The following ACAD10 variants were observed in gnomAD, a reference collection of about 807,000 sequenced individuals.
ACAD10 encodes the protein acyl-CoA dehydrogenase family member 10.
In ACAD10, 112 loss-of-function variants were observed where a neutral mutation model predicts 116.8. That is an observed-to-expected ratio of 0.96 (90% CI 0.82 to 1.12). The LOEUF is 1.12. ACAD10 is among the 50% of genes most tolerant of loss of function. The pLI is 0.00. For synonymous variants in ACAD10, 486 were observed against 510.6 expected, an observed-to-expected ratio of 0.95 and a Z score of 0.65; for missense variants, 1,259 against 1,350.2, an observed-to-expected ratio of 0.93 and a Z score of 1.06.
chr12:111,699,339 A>G (rs1888283022), intron 2 of ACAD10, among the ~76,000 whole-genome samples: 1 of 152,186 alleles, frequency 6.6e-6, no homozygotes, highest in African/African-American at 2.4e-5. Flanking sequence ...TTGAATAGTC[A>G]CTGCTAAAAG....
intron 5 of ACAD10, among the ~76,000 whole-genome samples, chr12:111,711,693 T>C (rs540998797): frequency 1.3e-5 from 2 of 151,626 alleles, no homozygotes; most frequent in South Asian, 2.1e-4. Flanking sequence ...TTTGTATTTT[T>C]AGTAGAGACG....
chr12:111,700,457 T>C (rs765131710), intron 2 of ACAD10, among the ~76,000 whole-genome samples: 1 of 152,182 alleles, frequency 6.6e-6, no homozygotes, highest in East Asian at 1.9e-4. Context: ...GTCAAATGTA[T>C]GTGCATTTCA....
chr12:111,746,838 A>G (rs1889915627), intron 14 of ACAD10, among the ~76,000 whole-genome samples: 1 of 152,214 alleles, frequency 6.6e-6, no homozygotes, highest in African/African-American at 2.4e-5. Flanking sequence ...TATGTACAAA[A>G]AAATAAAAAA....
At chr12:111,746,419 G>C in intron 14 of ACAD10, 135 bp downstream of exon 14, 1 of 1,000,108 alleles carries the variant, frequency 1.0e-6, no homozygotes, top group Non-Finnish European at 1.4e-6. Context: ...ATGGAGTCTC[G>C]CTCTGTCACC....
intron 8 of ACAD10, among the ~76,000 whole-genome samples, chr12:111,723,148 C>T (rs1409801390): frequency 1.4e-5 from 2 of 141,974 alleles, no homozygotes; most frequent in Non-Finnish European, 3.1e-5. Flanking sequence ...GGGGGGCTGA[C>T]CCCCCCACCT....
chr12:111,704,218 T>G (rs1888431800), intron 3 of ACAD10, among the ~76,000 whole-genome samples: 1 of 151,834 alleles, frequency 6.6e-6, no homozygotes, highest in South Asian at 2.1e-4. Flanking sequence ...CTCGGCTCAC[T>G]GCAACCTCTG....
At chr12:111,707,982 T>A (rs943906748) in intron 4 of ACAD10, among the ~76,000 whole-genome samples, 1 of 152,208 alleles carries the variant, frequency 6.6e-6, no homozygotes, top group Non-Finnish European at 1.5e-5. Context: ...CAAGACGCAG[T>A]GAGGGACTTC....
chr12:111,753,845 G>A lies in ACAD10; in HGVS notation c.2891G>A (p.Arg964His), dbSNP rs763448291. ...GTGCTGGCGGACATCGCGCAGTCGC[G>A]CGTGGAGATTGAGCAGGCACGGCTG... ...GTVLADIAQS[R>H]VEIEQARLLV... Residue 964 changes from arginine to histidine, a missense_variant, in exon 19 of 21, where the codon CGC becomes CAC. By Grantham distance (29) the Arg-to-His change is conservative (BLOSUM62 0). Coordinates refer to ENST00000313698, the MANE Select transcript of ACAD10 (RefSeq NM_025247.6). 4.7e-5 allele frequency: 76 copies of A among 1,613,846 alleles called. No individual in the cohort carries two copies. The highest frequency in any genetic ancestry group is 6.0e-5 in the Non-Finnish European group (71 of 1,180,026).
chr12:111,702,242 A>C lies in ACAD10; in HGVS notation c.268A>C (p.Arg90=), dbSNP rs994995826. The change falls in exon 3 of 21, where the codon AGA becomes CGA. Residue 90 remains arginine (R), a synonymous_variant. Transcript: ENST00000313698. ...AGGTGGTGAAAATGGGCCCTGGATG[A>C]GATTTATGAGAGCAGAAATAACAGC... is the stretch of plus-strand genomic sequence containing the variant. ...MEGGENGPWM[R]FMRAEITAEG... 1 of 1,614,036 alleles carries C rather than the reference A, an allele frequency of 6.2e-7. No individual in the cohort carries two copies. Among genetic ancestry groups the C allele is most frequent in the African/African-American group, 1.3e-5 (1 of 74,916 alleles).
chr12:111,706,813 G>T lies in ACAD10; in HGVS notation c.531+881G>T, dbSNP rs1433984541. Among the ~76,000 whole-genome samples the T allele has an allele frequency of 4.6e-5, 6 of 129,776 alleles. No homozygotes were observed. In the East Asian group the frequency reaches 7.1e-4, roughly 15 times the overall value. The allele number at this position is 129,776 out of a possible 152,430, so 85.1% of individuals were successfully genotyped here. A position where few individuals can be genotyped will look rare whatever the true frequency, so the allele number is the denominator to read the frequency against. On this transcript the variant is annotated intron_variant, in intron 4 of 20. Coordinates refer to ENST00000313698, the MANE Select transcript of ACAD10 (RefSeq NM_025247.6). The stretch of plus-strand genomic sequence containing the variant: ...TTTTTTGAGACCATCTCACTCTGTT[G>T]CCCAGGCTAAAGTACAGTGGCACCA...
intron 1 of ACAD10, among the ~76,000 whole-genome samples, chr12:111,687,196 C>T (rs1460915910): frequency 6.6e-6 from 1 of 151,948 alleles, no homozygotes; most frequent in East Asian, 1.9e-4. Context: ...GGACATAGTG[C>T]GTTCTAGATG....
At chr12:111,719,184 T>C (rs1437722337) in intron 7 of ACAD10, among the ~76,000 whole-genome samples, 1 of 152,208 alleles carries the variant, frequency 6.6e-6, no homozygotes, top group Non-Finnish European at 1.5e-5. Context: ...GGGGTTTTTT[T>C]CTTGATATTA....
At position 111,755,651 on chromosome 12, in the gene ACAD10, T is replaced by C. The variant is rs1444832779; in HGVS notation, c.2962-17T>C. On this transcript the variant is annotated splice_polypyrimidine_tract_variant and intron_variant, in intron 19 of 20. Coordinates refer to ENST00000313698, the MANE Select transcript of ACAD10 (RefSeq NM_025247.6). ...TGCCCTCGGGTCTTTTATGATCGCA[T>C]CTCCTCCTCCTTACAGGCTGCAGCC... 1.2e-6 allele frequency: 2 copies of C among 1,611,414 alleles called. No homozygotes were observed.
At chr12:111,740,591 C>G (rs903616389) in intron 12 of ACAD10, among the ~76,000 whole-genome samples, 1 of 151,306 alleles carries the variant, frequency 6.6e-6, no homozygotes. Context: ...AACCCCGTCT[C>G]TACTAAAAAT....
intron 1 of ACAD10, among the ~76,000 whole-genome samples, chr12:111,686,586 C>G (rs762409253): frequency 1.4e-4 from 21 of 152,208 alleles, no homozygotes; most frequent in African/African-American, 4.3e-4. Context: ...CTTGGTGGCG[C>G]GCGTCTGTAG....
intron 4 of ACAD10, among the ~76,000 whole-genome samples, chr12:111,706,183 T>C (rs1888499129): frequency 6.6e-6 from 1 of 152,236 alleles, no homozygotes; most frequent in African/African-American, 2.4e-5. Context: ...AATTCGAACC[T>C]TAGTCTTCAT....
At chr12:111,717,149 G>A (rs1888867750) in intron 7 of ACAD10, among the ~76,000 whole-genome samples, 1 of 151,948 alleles carries the variant, frequency 6.6e-6, no homozygotes, top group Admixed American at 6.6e-5. Flanking sequence ...TTGAGCTCAG[G>A]CGTTCGAGCC....
At chr12:111,748,713 G>A (rs972732363) in intron 17 of ACAD10, 1 of 595,638 alleles carries the variant, frequency 1.7e-6, no homozygotes, top group Admixed American at 3.1e-5. Flanking sequence ...GTAATCAGGA[G>A]TCTGTGACAC....
intron 15 of ACAD10, 46 bp downstream of exon 15, chr12:111,747,232 CG>C: frequency 6.2e-7 from 1 of 1,609,702 alleles, no homozygotes; most frequent in Non-Finnish European, 8.5e-7. Flanking sequence ...CTGTTGTTGT[CG>C]GCCCCACAGG....
Sources: allele counts gnomAD v4.1 joint callset (sites outside exome capture counted in the v4.1 genomes callset), GRCh38; gene constraint gnomAD v4.1.1; transcripts MANE v1.5; gene names NCBI Gene and HGNC (gene_info 2026-07-23, HGNC 2026-07-21).